The following MACROD2 variants were observed in gnomAD, a reference collection of about 807,000 sequenced individuals.
MACROD2 encodes mono-ADP ribosylhydrolase 2.
MACROD2 carries 36 observed loss-of-function variants against 70.4 expected under a neutral mutation model. The observed-to-expected ratio is 0.51, with a 90% CI of 0.39 to 0.68. MACROD2 has a LOEUF of 0.68. MACROD2 is among the 30% of genes least tolerant of loss of function. MACROD2 has a pLI of 0.00. For synonymous variants in MACROD2, 172 were observed against 178.8 expected, an observed-to-expected ratio of 0.96 and a Z score of 0.30; for missense variants, 496 against 538.4, an observed-to-expected ratio of 0.92 and a Z score of 0.78.
chr20:14,919,482 T>G (rs1011276873), intron 5 of MACROD2, among the ~76,000 whole-genome samples: 1 of 152,230 alleles, frequency 6.6e-6, no homozygotes, highest in African/African-American at 2.4e-5. Flanking sequence ...ACAATCTATC[T>G]GCTACTTTGA....
chr20:14,979,806 A>C (rs1362249650), intron 5 of MACROD2, among the ~76,000 whole-genome samples: 3 of 152,196 alleles, frequency 2.0e-5, no homozygotes, highest in Non-Finnish European at 4.4e-5. Context: ...AAATAGAATA[A>C]TATGAACTTT....
chr20:15,015,365 C>A (rs951885659), intron 5 of MACROD2, among the ~76,000 whole-genome samples: 2 of 151,908 alleles, frequency 1.3e-5, no homozygotes, highest in Admixed American at 6.6e-5. Flanking sequence ...TATACATAAC[C>A]TTTATACATC....
chr20:15,489,882 T>C (rs2047206263), intron 7 of MACROD2, among the ~76,000 whole-genome samples: 1 of 152,120 alleles, frequency 6.6e-6, no homozygotes, highest in Non-Finnish European at 1.5e-5. Context: ...CACGAGCCAC[T>C]TTTCCTCTCC....
intron 5 of MACROD2, among the ~76,000 whole-genome samples, chr20:15,014,526 T>C (rs2075106619): frequency 6.6e-6 from 1 of 152,122 alleles, no homozygotes; most frequent in Non-Finnish European, 1.5e-5. Context: ...GGAGTCAGAG[T>C]AAATGATCAC....
chr20:15,974,009 A>C (rs1486214632), intron 13 of MACROD2, among the ~76,000 whole-genome samples: 1 of 152,236 alleles, frequency 6.6e-6, no homozygotes, highest in African/African-American at 2.4e-5. Flanking sequence ...CAGAACAAAT[A>C]GACTACGGAT....
At chr20:15,627,784 A>T (rs1277770797) in intron 8 of MACROD2, among the ~76,000 whole-genome samples, 2 of 152,236 alleles carry the variant, frequency 1.3e-5, no homozygotes, top group African/African-American at 4.8e-5. Flanking sequence ...CCCTTCTCCT[A>T]GCCTGATGGC....
chr20:14,132,740 G>A (rs952383349), intron 3 of MACROD2, among the ~76,000 whole-genome samples: 3 of 152,108 alleles, frequency 2.0e-5, no homozygotes, highest in Non-Finnish European at 4.4e-5. Context: ...CCAGCCTCAA[G>A]CGATCCTCTT....
chr20:16,047,036 G>A (rs6080103), intron 17 of MACROD2, among the ~76,000 whole-genome samples: 10,585 of 152,118 alleles, frequency 0.07, 490 homozygotes, highest in East Asian at 0.14. Flanking sequence ...CATGCACAGG[G>A]TCACCTGGCT....
At chr20:15,641,581 A>T (rs1425103165) in intron 8 of MACROD2, among the ~76,000 whole-genome samples, 1 of 152,178 alleles carries the variant, frequency 6.6e-6, no homozygotes, top group African/African-American at 2.4e-5. Context: ...AGTGGAGAAG[A>T]TGTACAGACA....
intron 3 of MACROD2, among the ~76,000 whole-genome samples, chr20:14,179,519 G>C (rs1473103707): frequency 1.3e-5 from 2 of 151,986 alleles, no homozygotes; most frequent in East Asian, 3.8e-4. Context: ...TCTCCAATTT[G>C]CCATTGATTG....
At chr20:14,316,483 G>A (rs541760177) in intron 3 of MACROD2, among the ~76,000 whole-genome samples, 1 of 152,306 alleles carries the variant, frequency 6.6e-6, no homozygotes, top group East Asian at 1.9e-4. Context: ...CATAGCCCAT[G>A]GGCCACAGGC....
intron 3 of MACROD2, among the ~76,000 whole-genome samples, chr20:14,418,123 C>G (rs1407548783): frequency 6.6e-6 from 1 of 152,112 alleles, no homozygotes; most frequent in African/African-American, 2.4e-5. Context: ...GTTCGAGCCT[C>G]TGAATTTTTG....
intron 5 of MACROD2, among the ~76,000 whole-genome samples, chr20:15,191,599 C>T (rs777149276): frequency 1.3e-5 from 2 of 152,174 alleles, no homozygotes; most frequent in Non-Finnish European, 2.9e-5. Context: ...AGAGCAGCCA[C>T]ATACAAAGTC....
At chr20:15,519,895 A>G (rs2047628506) in intron 8 of MACROD2, among the ~76,000 whole-genome samples, 1 of 152,226 alleles carries the variant, frequency 6.6e-6, no homozygotes, top group Non-Finnish European at 1.5e-5. Context: ...ACAGTTCCAT[A>G]ATCTGAACCT....
chr20:14,849,893 T>A, intron 5 of MACROD2: 1 of 487,912 alleles, frequency 2.0e-6, no homozygotes, highest in South Asian at 1.5e-5. Context: ...GGCATTTGTG[T>A]TTCATCGTAG....
intron 8 of MACROD2, among the ~76,000 whole-genome samples, chr20:15,751,168 G>C (rs569461110): frequency 6.6e-6 from 1 of 152,006 alleles, no homozygotes; most frequent in African/African-American, 2.4e-5. Context: ...TGATGAATAC[G>C]TGAGGTGATG....
intron 3 of MACROD2, among the ~76,000 whole-genome samples, chr20:14,208,837 C>G (rs1214467519): frequency 6.6e-6 from 1 of 152,146 alleles, no homozygotes; most frequent in Non-Finnish European, 1.5e-5. Context: ...ACTGTAGATA[C>G]AGAAGTGGCA....
At chr20:15,541,508 A>G (rs1447542164) in intron 8 of MACROD2, among the ~76,000 whole-genome samples, 4 of 152,160 alleles carry the variant, frequency 2.6e-5, no homozygotes, top group African/African-American at 9.7e-5. Context: ...TGGGTCTTTG[A>G]GTTTTCTTTA....
intron 8 of MACROD2, among the ~76,000 whole-genome samples, chr20:15,550,878 A>G (rs1233722): frequency 0.49 from 75,138 of 152,090 alleles, 21,249 homozygotes; most frequent in African/African-American, 0.78. Flanking sequence ...TAGCTATTAA[A>G]TATCAGAATC....
Sources: gnomAD v4.1 joint callset for allele counts (sites outside exome capture counted in the v4.1 genomes callset) on GRCh38, gnomAD v4.1.1 for gene constraint, MANE v1.5 for transcripts, NCBI Gene and HGNC (gene_info 2026-07-23, HGNC 2026-07-21) for gene names.